HSDL2: variants seen among roughly 807,000 people sequenced by gnomAD.
The protein encoded by HSDL2 is hydroxysteroid dehydrogenase-like protein 2.
HSDL2 carries 27 observed loss-of-function variants against 46.3 expected under a neutral mutation model. That is an observed-to-expected ratio of 0.58 (90% CI 0.43 to 0.80). HSDL2 has a LOEUF of 0.80. Among genes scored for constraint, HSDL2 ranks in the 30% least tolerant of loss-of-function variants. The pLI is 0.00. For synonymous variants in HSDL2, 153 were observed against 163.6 expected, an observed-to-expected ratio of 0.94 and a Z score of 0.50; for missense variants, 451 against 502.7, an observed-to-expected ratio of 0.90 and a Z score of 0.98.
chr9:112,442,797 C>A (rs535049705), intron 8 of HSDL2, among the ~76,000 whole-genome samples: 19 of 151,876 alleles, frequency 1.3e-4, no homozygotes, highest in South Asian at 1.2e-3. Context: ...TTCCTTGATA[C>A]CTTTAGCAAA....
rs1833588795 is a variant in HSDL2 at position 112,472,005 on chromosome 9, C to T, written c.*1461C>T. 1 of 152,110 alleles carries T rather than the reference C, an allele frequency of 6.6e-6. No individual in the cohort carries two copies. Among genetic ancestry groups the T allele is most frequent in the Non-Finnish European group, 1.5e-5 (1 of 68,036 alleles). The allele number at this position is 152,110 out of a possible 1,614,324, so 9.4% of individuals were successfully genotyped here. A position where few individuals can be genotyped will look rare whatever the true frequency, so the allele number is the denominator to read the frequency against. ...TAGCCCAAGGCCAACATTAACAAGC[C>T]CTCTAACAAAAACTTTACAATACAT... On this transcript the variant is annotated 3_prime_UTR_variant, in exon 11 of 11. Coordinates refer to ENST00000398805, the MANE Select transcript of HSDL2 (RefSeq NM_032303.5).
At chr9:112,418,806 TAATC>T in intron 5 of HSDL2, 50 bp from the exon 6 acceptor site, 5 of 1,017,416 alleles carry the variant, frequency 4.9e-6, no homozygotes, top group Non-Finnish European at 7.1e-6. Context: ...ACTCACAAGT[TAATC>T]AAATTAATTT....
intron 8 of HSDL2, among the ~76,000 whole-genome samples, chr9:112,448,392 A>G (rs1209525116): frequency 2.6e-5 from 4 of 152,208 alleles, no homozygotes; most frequent in Non-Finnish European, 4.4e-5. Context: ...TAACATTTGT[A>G]TAAGATGGAC....
At chr9:112,437,355 A>G (rs1289321364) in intron 6 of HSDL2, among the ~76,000 whole-genome samples, 1 of 152,160 alleles carries the variant, frequency 6.6e-6, no homozygotes, top group East Asian at 1.9e-4. Context: ...CAAGGAACCT[A>G]TTCACTGACT....
At chr9:112,384,718 A>G (rs1005940674) in intron 1 of HSDL2, among the ~76,000 whole-genome samples, 2 of 150,788 alleles carry the variant, frequency 1.3e-5, no homozygotes, top group Non-Finnish European at 2.9e-5. Flanking sequence ...GTGGATTCAC[A>G]TCCAAAAAGC....
At chr9:112,401,661 G>C (rs1831598869) in intron 1 of HSDL2, among the ~76,000 whole-genome samples, 1 of 145,884 alleles carries the variant, frequency 6.9e-6, no homozygotes, top group Non-Finnish European at 1.5e-5. Context: ...TAGGTACTAG[G>C]AATAATGAAA....
chr9:112,439,278 G>A (rs1446040624), intron 7 of HSDL2, among the ~76,000 whole-genome samples: 2 of 152,188 alleles, frequency 1.3e-5, no homozygotes, highest in African/African-American at 2.4e-5. Context: ...GATTACAGGC[G>A]TGAGCCACTG....
At chr9:112,431,416 T>C (rs367667249) in intron 6 of HSDL2, among the ~76,000 whole-genome samples, 4 of 151,980 alleles carry the variant, frequency 2.6e-5, no homozygotes, top group Non-Finnish European at 4.4e-5. Context: ...AAGACCCACA[T>C]AGGAGAGTAA....
intron 1 of HSDL2, among the ~76,000 whole-genome samples, chr9:112,399,232 C>T (rs549035405): frequency 4.8e-4 from 73 of 152,264 alleles, no homozygotes; most frequent in East Asian, 2.9e-3. Context: ...TCGGTAGGAC[C>T]GTGATGCCCA....
intron 1 of HSDL2, among the ~76,000 whole-genome samples, chr9:112,392,088 G>A (rs547529770): frequency 6.6e-6 from 1 of 152,284 alleles, no homozygotes; most frequent in South Asian, 2.1e-4. Context: ...TCACATATCA[G>A]TAGGACTGTG....
Position 112,445,007 on chromosome 9 carries a change from T to C in HSDL2, c.865+3237T>C, listed in dbSNP as rs115288085. On this transcript the variant is annotated intron_variant, in intron 8 of 10. Coordinates refer to ENST00000398805, the MANE Select transcript of HSDL2 (RefSeq NM_032303.5). Reference sequence around the variant, plus strand: ...AATCCTCTCACCTCAGCCTCACCAATAGCTGGGACTAGAGGTGCATGCCAC... The same window carrying C: ...AATCCTCTCACCTCAGCCTCACCAACAGCTGGGACTAGAGGTGCATGCCAC... 6.9e-3 allele frequency among the ~76,000 whole-genome samples: 1,054 copies of C among 152,020 alleles called. 16 individuals carry two copies. The highest frequency in any genetic ancestry group is 0.024 in the African/African-American group (987 of 41,468).
At chr9:112,431,423 G>A (rs1306421421) in intron 6 of HSDL2, among the ~76,000 whole-genome samples, 2 of 152,174 alleles carry the variant, frequency 1.3e-5, no homozygotes, top group Non-Finnish European at 2.9e-5. Flanking sequence ...ACATAGGAGA[G>A]TAAGGTAGGA....
intron 1 of HSDL2, among the ~76,000 whole-genome samples, chr9:112,384,775 A>T (rs1358511361): frequency 6.7e-6 from 1 of 150,242 alleles, no homozygotes; most frequent in Non-Finnish European, 1.5e-5. Flanking sequence ...GCCAGCATAC[A>T]AGATCAAAAC....
Position 112,417,426 on chromosome 9 carries a change from A to AGGATCAT in HSDL2, c.499+485_499+491dup, listed in dbSNP as rs1361716516. Among the ~76,000 whole-genome samples, 3 of 146,766 alleles carry AGGATCAT rather than the reference A, an allele frequency of 2.0e-5. No individual in the cohort carries two copies. The Admixed American group carries it at 2.1e-4, about 10-fold the overall frequency. On this transcript the variant is annotated intron_variant, in intron 5 of 10. Coordinates refer to ENST00000398805, the MANE Select transcript of HSDL2 (RefSeq NM_032303.5). ...CAGGAGTTTGAGGCTGCAGTGAGCT[A>AGGATCAT]GGATCATGGCACTGCACTCCTGCCT...
chr9:112,390,128 A>C (rs1831309552), intron 1 of HSDL2, among the ~76,000 whole-genome samples: 1 of 151,652 alleles, frequency 6.6e-6, no homozygotes, highest in African/African-American at 2.4e-5. Context: ...ATATATGTGG[A>C]AAATTAAAGG....
intron 5 of HSDL2, among the ~76,000 whole-genome samples, chr9:112,417,975 G>A (rs1225398562): frequency 6.6e-6 from 1 of 152,122 alleles, no homozygotes; most frequent in Non-Finnish European, 1.5e-5. Context: ...CTACTCGGAG[G>A]ATGAGGCACA....
At chr9:112,401,418 G>T (rs1587933929) in intron 1 of HSDL2, among the ~76,000 whole-genome samples, 1 of 139,688 alleles carries the variant, frequency 7.2e-6, no homozygotes, top group East Asian at 2.1e-4. Context: ...CTCCAGACTG[G>T]GCGACAGAGC....
intron 8 of HSDL2, among the ~76,000 whole-genome samples, chr9:112,450,261 C>CTCCG (rs1554714615): frequency 7.7e-6 from 1 of 130,212 alleles, no homozygotes; most frequent in Non-Finnish European, 1.6e-5. Flanking sequence ...GAGACCCCCC[C>CTCCG]CCCATCTCTA....
chr9:112,380,236 G>C, intron 1 of HSDL2, 56 bp downstream of exon 1: 1 of 1,507,944 alleles, frequency 6.6e-7, no homozygotes, highest in Non-Finnish European at 8.9e-7. Context: ...GGCGCGTCTC[G>C]GTGGGGCCGC....
Sources: allele counts gnomAD v4.1 joint callset (sites outside exome capture counted in the v4.1 genomes callset), GRCh38; gene constraint gnomAD v4.1.1; transcripts MANE v1.5; gene names NCBI Gene and HGNC (gene_info 2026-07-23, HGNC 2026-07-21).